The following CNKSR3 variants were observed in gnomAD, a reference collection of about 807,000 sequenced individuals.
CNKSR3 encodes the protein connector enhancer of kinase suppressor of ras 3.
A neutral mutation model predicts 67.7 loss-of-function variants in CNKSR3; 36 were observed. The ratio of observed to expected loss-of-function variants is 0.53; its 90% CI spans 0.41 to 0.70. The LOEUF (loss-of-function observed/expected upper bound fraction) is 0.70. Ranked by LOEUF, CNKSR3 falls within the 30% of genes least tolerant of loss-of-function variation. The probability of loss-of-function intolerance (pLI) is 0.00; values close to 1 mark genes in which losing one functional copy is unlikely to be tolerated. For synonymous variants in CNKSR3, 281 were observed against 271.4 expected (o/e 1.04, Z -0.35); for missense variants, 630 against 695.2 (o/e 0.91, Z 1.05).
chr6:154,454,402 G>A (rs1345204602), intron 1 of CNKSR3, among the ~76,000 whole-genome samples: 3 of 152,080 alleles, frequency 2.0e-5, no homozygotes, highest in African/African-American at 4.8e-5. Flanking sequence ...AATAAAAGTT[G>A]CTGGCTGGGC....
At chr6:154,462,690 A>G (rs1402933248) in intron 1 of CNKSR3, among the ~76,000 whole-genome samples, 2 of 152,072 alleles carry the variant, frequency 1.3e-5, no homozygotes, top group Non-Finnish European at 2.9e-5. Flanking sequence ...GGTCCCATCT[A>G]CCTAGAATGG....
intron 1 of CNKSR3, among the ~76,000 whole-genome samples, chr6:154,458,607 C>T (rs1322494272): frequency 6.6e-6 from 1 of 152,114 alleles, no homozygotes; most frequent in Non-Finnish European, 1.5e-5. Context: ...CTGCCTACTC[C>T]CTCCCTACAG....
rs73574913 is a variant in CNKSR3 at position 154,422,747 on chromosome 6, C to T, written c.799-95G>A. On this transcript the variant is annotated intron_variant, in intron 8 of 12. Coordinates refer to ENST00000607772, the MANE Select transcript of CNKSR3 (RefSeq NM_173515.4). ...ATCTCAGGGCAGTCAGGGTTGTGAGCAGATACATAGAAACAAAATAGGCAG... is the reference window on the plus strand; with the variant it reads ...ATCTCAGGGCAGTCAGGGTTGTGAGTAGATACATAGAAACAAAATAGGCAG... The T allele has an allele frequency of 4.1e-3, 5,691 of 1,398,810 alleles. 200 individuals are homozygous for T. In the African/African-American group the frequency reaches 0.073, roughly 18 times the overall value. The allele number at this position is 1,398,810 out of a possible 1,614,324, so 86.6% of individuals were successfully genotyped here.
intron 1 of CNKSR3, among the ~76,000 whole-genome samples, chr6:154,492,215 T>A (rs751995879): frequency 6.6e-6 from 1 of 152,120 alleles, no homozygotes; most frequent in Non-Finnish European, 1.5e-5. Flanking sequence ...CTATTCCTCT[T>A]CCTACATACT....
intron 7 of CNKSR3, among the ~76,000 whole-genome samples, chr6:154,426,449 G>A (rs999692949): frequency 1.6e-4 from 24 of 151,886 alleles, no homozygotes; most frequent in East Asian, 3.9e-4. Flanking sequence ...GCAGCCTCCC[G>A]GGTTCAAGCA....
In CNKSR3 at chr6:154,500,806, G is replaced by A. The variant is rs113011686; in HGVS notation, c.52+9257C>T. ...TCTAATTTCTACATCTTATTGATTC[G>A]CATTCTAAGGAACTGCTTTGCTTTA... On this transcript the variant is annotated intron_variant, in intron 1 of 12. Coordinates refer to ENST00000607772, the MANE Select transcript of CNKSR3 (RefSeq NM_173515.4). 3.4e-3 allele frequency among the ~76,000 whole-genome samples: 518 copies of A among 152,170 alleles called. 2 individuals are homozygous for A. The highest frequency in any genetic ancestry group is 0.011 in the African/African-American group (476 of 41,494).
At chr6:154,494,844 A>G (rs1043731563) in intron 1 of CNKSR3, among the ~76,000 whole-genome samples, 12 of 152,128 alleles carry the variant, frequency 7.9e-5, no homozygotes, top group Non-Finnish European at 1.3e-4. Flanking sequence ...CCCAAACACC[A>G]ACTGCAGCCA....
chr6:154,489,040 G>C (rs548941267), intron 1 of CNKSR3, among the ~76,000 whole-genome samples: 1 of 151,984 alleles, frequency 6.6e-6, no homozygotes, highest in African/African-American at 2.4e-5. Flanking sequence ...GGGTTTTGTG[G>C]GTTTTGAGTT....
intron 1 of CNKSR3, among the ~76,000 whole-genome samples, chr6:154,502,195 C>CTTTT (rs34790675): frequency 1.4e-5 from 2 of 143,956 alleles, no homozygotes; most frequent in African/African-American, 2.6e-5. Flanking sequence ...TATATTTCTT[C>CTTTT]TTTTTTTTTT....
chr6:154,413,039 C>T (rs971716610), intron 10 of CNKSR3, among the ~76,000 whole-genome samples: 25 of 151,920 alleles, frequency 1.6e-4, no homozygotes, highest in African/African-American at 6.0e-4. Flanking sequence ...GCCTAGATCA[C>T]ACCTAAATCA....
chr6:154,493,012 C>T (rs1185847492), intron 1 of CNKSR3, among the ~76,000 whole-genome samples: 1 of 152,162 alleles, frequency 6.6e-6, no homozygotes, highest in Non-Finnish European at 1.5e-5. Context: ...TGCAAAGCCA[C>T]CATTATCATT....
At chr6:154,480,873 T>G (rs1786552328) in intron 1 of CNKSR3, among the ~76,000 whole-genome samples, 1 of 152,252 alleles carries the variant, frequency 6.6e-6, no homozygotes, top group Non-Finnish European at 1.5e-5. Context: ...GATAGCAGTC[T>G]TATGCTTATT....
At chr6:154,424,743 A>C (rs1427312035) in intron 7 of CNKSR3, among the ~76,000 whole-genome samples, 2 of 149,200 alleles carry the variant, frequency 1.3e-5, no homozygotes, top group African/African-American at 2.5e-5. Context: ...TGTTCATCTC[A>C]AGTTTCTGTT....
At chr6:154,462,663 G>A (rs1049290948) in intron 1 of CNKSR3, among the ~76,000 whole-genome samples, 3 of 152,162 alleles carry the variant, frequency 2.0e-5, no homozygotes, top group Non-Finnish European at 4.4e-5. Context: ...CTCCTATCTC[G>A]AGGCCTTTCC....
rs895190263 is a variant in CNKSR3, at chr6:154,410,391, T to A, written c.1321A>T (p.Met441Leu). ...CTGGCAAAAGGGTCCACAATCCCCA[T>A]CCAGTTCCCATCAGCAGGCATGGAC... Reference protein sequence around the residue: ...PLSMPADGNWMGIVDPFARPR... With the variant: ...PLSMPADGNWLGIVDPFARPR... The change falls in exon 12 of 13, where the codon ATG (methionine) becomes TTG (leucine). Residue 441 changes from methionine (M) to leucine (L), a missense_variant. Coordinates refer to ENST00000607772, the MANE Select transcript of CNKSR3 (RefSeq NM_173515.4). 3 of 1,613,894 alleles carry A rather than the reference T, an allele frequency of 1.9e-6. No individual in the cohort carries two copies. In the African/African-American group the frequency reaches 4.0e-5, roughly 22 times the overall value.
intron 9 of CNKSR3, among the ~76,000 whole-genome samples, chr6:154,422,047 C>CAATG (rs1229427874): frequency 6.8e-6 from 1 of 146,066 alleles, no homozygotes; most frequent in Non-Finnish European, 1.5e-5. Context: ...GGCTGGAGTG[C>CAATG]AATGGCACGA....
intron 9 of CNKSR3, among the ~76,000 whole-genome samples, chr6:154,419,264 T>A (rs562606300): frequency 3.1e-4 from 47 of 152,210 alleles, no homozygotes; most frequent in African/African-American, 1.1e-3. Flanking sequence ...AGGCTGGTCT[T>A]GAACTCCTGG....
At chr6:154,406,778 G>C in intron 12 of CNKSR3, 126 bp from the exon 13 acceptor site, 1 of 783,698 alleles carries the variant, frequency 1.3e-6, no homozygotes, top group Non-Finnish European at 2.0e-6. Context: ...GACCATCCTG[G>C]CCAACATGGT....
intron 1 of CNKSR3, among the ~76,000 whole-genome samples, chr6:154,466,104 T>A (rs1786192326): frequency 1.3e-5 from 2 of 152,226 alleles, no homozygotes; most frequent in South Asian, 4.1e-4. Context: ...TGGCAAGTTA[T>A]CCCTTGCTGG....
Sources: gnomAD v4.1 joint callset for allele counts (sites outside exome capture counted in the v4.1 genomes callset) on GRCh38, gnomAD v4.1.1 for gene constraint, MANE v1.5 for transcripts, NCBI Gene and HGNC (gene_info 2026-07-23, HGNC 2026-07-21) for gene names.